RBKS: variants seen among roughly 807,000 people sequenced by gnomAD.
The protein encoded by RBKS is ribokinase.
In RBKS, 33 loss-of-function variants were observed where a neutral mutation model predicts 33.9. That is an observed-to-expected ratio of 0.97 (90% CI 0.74 to 1.30). The LOEUF (loss-of-function observed/expected upper bound fraction) is 1.30, where lower values mean the gene tolerates loss of function less well. Ranked by LOEUF, RBKS falls within the 50% of genes most tolerant of loss-of-function variation. The probability of loss-of-function intolerance (pLI) is 0.00; values close to 1 mark genes in which losing one functional copy is unlikely to be tolerated. For synonymous variants in RBKS, 125 were observed against 143.0 expected (o/e 0.87, Z 0.90); for missense variants, 361 against 392.6 (o/e 0.92, Z 0.68).
At chr2:27,801,462 T>TACACACACACACACAC (rs1491245145) in intron 7 of RBKS, among the ~76,000 whole-genome samples, 1 of 82,994 alleles carries the variant, frequency 1.2e-5, no homozygotes, top group East Asian at 2.5e-4. Flanking sequence ...AGGGCCACAG[T>TACACACACACACACAC]ATACACACAC....
At chr2:27,822,583 C>T (rs777235945) in intron 7 of RBKS, among the ~76,000 whole-genome samples, 20 of 152,194 alleles carry the variant, frequency 1.3e-4, no homozygotes, top group African/African-American at 2.4e-4. Flanking sequence ...AAAGTGCTTC[C>T]GTGCAAACTT....
intron 7 of RBKS, among the ~76,000 whole-genome samples, chr2:27,811,980 C>T (rs1037564228): frequency 2.6e-5 from 4 of 152,154 alleles, no homozygotes; most frequent in African/African-American, 9.7e-5. Context: ...GTAATGTGAT[C>T]CTCTTCCTAA....
chr2:27,885,745 C>T (rs1271214703), intron 1 of RBKS, among the ~76,000 whole-genome samples: 3 of 152,154 alleles, frequency 2.0e-5, no homozygotes. Flanking sequence ...TCTACTGATA[C>T]TGTCTTACTA....
intron 1 of RBKS, among the ~76,000 whole-genome samples, chr2:27,866,728 T>C (rs1664110244): frequency 6.6e-6 from 1 of 152,206 alleles, no homozygotes; most frequent in Non-Finnish European, 1.5e-5. Context: ...GACCTGGAAT[T>C]TGGTTCATCT....
intron 7 of RBKS, among the ~76,000 whole-genome samples, chr2:27,789,935 A>ATATG (rs1558533012): frequency 1.5e-4 from 20 of 134,210 alleles, no homozygotes; most frequent in African/African-American, 3.4e-4. Context: ...GTATATATAT[A>ATATG]TATATGTATA....
At chr2:27,822,647 C>G (rs959861104) in intron 7 of RBKS, among the ~76,000 whole-genome samples, 1 of 152,244 alleles carries the variant, frequency 6.6e-6, no homozygotes, top group Non-Finnish European at 1.5e-5. Context: ...AGAGTTAACT[C>G]TCAAGCTCTG....
At chr2:27,866,887 T>G (rs980683093) in intron 1 of RBKS, among the ~76,000 whole-genome samples, 12 of 152,168 alleles carry the variant, frequency 7.9e-5, no homozygotes, top group Non-Finnish European at 1.8e-4. Flanking sequence ...GAGGATTGTT[T>G]GAGCTCAAGA....
intron 7 of RBKS, among the ~76,000 whole-genome samples, chr2:27,816,722 C>G (rs1678103473): frequency 6.6e-6 from 1 of 152,000 alleles, no homozygotes; most frequent in Non-Finnish European, 1.5e-5. Context: ...CTCAGCCTCC[C>G]GAGTAGCTGG....
chr2:27,832,168 A>G (rs1246372984), intron 6 of RBKS, among the ~76,000 whole-genome samples: 1 of 152,226 alleles, frequency 6.6e-6, no homozygotes, highest in Non-Finnish European at 1.5e-5. Flanking sequence ...CAGGGTCTTC[A>G]CTACAGAATG....
At chr2:27,828,262 T>A (rs1558543296) in intron 6 of RBKS, among the ~76,000 whole-genome samples, 1 of 151,540 alleles carries the variant, frequency 6.6e-6, no homozygotes, top group Non-Finnish European at 1.5e-5. Context: ...ATAATAATTT[T>A]AACAAAGAGT....
At chr2:27,789,089 T>TA (rs952803997) in intron 7 of RBKS, among the ~76,000 whole-genome samples, 15 of 152,256 alleles carry the variant, frequency 9.9e-5, no homozygotes, top group Non-Finnish European at 2.1e-4. Context: ...CTACAGTAAT[T>TA]AGACAGAGAG....
At chr2:27,883,767 C>G (rs1484934857) in intron 1 of RBKS, among the ~76,000 whole-genome samples, 1 of 151,094 alleles carries the variant, frequency 6.6e-6, no homozygotes, top group Non-Finnish European at 1.5e-5. Context: ...CACCCTGTTA[C>G]CTAGGCTGGT....
At chr2:27,803,036 C>A (rs1677831130) in intron 7 of RBKS, among the ~76,000 whole-genome samples, 1 of 152,114 alleles carries the variant, frequency 6.6e-6, no homozygotes, top group Non-Finnish European at 1.5e-5. Flanking sequence ...CTCTTTGTTG[C>A]CCAGGCTGGT....
intron 7 of RBKS, among the ~76,000 whole-genome samples, chr2:27,801,163 C>T (rs931827354): frequency 1.1e-4 from 16 of 152,154 alleles, no homozygotes. Context: ...GCAGGCTGAA[C>T]AGATGGTGCA....
In RBKS at chr2:27,870,895, A is replaced by G. The variant is rs1270046578; in HGVS notation, c.90-12324T>C. ...CATATCCTCATGCACATCCTCCTGA[A>G]AAATACATTACACAAAACAAGCATT... is the stretch of plus-strand genomic sequence containing the variant. On this transcript the variant is annotated intron_variant, in intron 1 of 7. Transcript: ENST00000302188. 3 of 457,624 alleles carry G rather than the reference A, an allele frequency of 6.6e-6. No individual in the cohort carries two copies. In the East Asian group the frequency reaches 2.1e-4, roughly 32 times the overall value. The allele number at this position is 457,624 out of a possible 1,614,324, so 28.3% of individuals were successfully genotyped here. A position where few individuals can be genotyped will look rare whatever the true frequency, so the allele number is the denominator to read the frequency against.
chr2:27,870,513 G>C (rs530025773), intron 1 of RBKS: 2 of 233,732 alleles, frequency 8.6e-6, no homozygotes, highest in Non-Finnish European at 1.8e-5. Flanking sequence ...TGTGAGAGAA[G>C]ACATGTGTGC....
At chr2:27,798,302 G>C (rs1259524004) in intron 7 of RBKS, among the ~76,000 whole-genome samples, 1 of 152,032 alleles carries the variant, frequency 6.6e-6, no homozygotes, top group Non-Finnish European at 1.5e-5. Flanking sequence ...AACCACCCGT[G>C]AGCCTGCTTA....
intron 2 of RBKS, among the ~76,000 whole-genome samples, chr2:27,852,373 C>T (rs1288207093): frequency 6.6e-6 from 1 of 152,068 alleles, no homozygotes; most frequent in East Asian, 1.9e-4. Context: ...CAGCAAGGGT[C>T]ATGGAAAGCA....
chr2:27,796,384 T>C (rs1677666499), intron 7 of RBKS, among the ~76,000 whole-genome samples: 1 of 152,206 alleles, frequency 6.6e-6, no homozygotes, highest in Non-Finnish European at 1.5e-5. Flanking sequence ...GAAAATTATT[T>C]TTGTGCCAAA....
Sources: allele counts gnomAD v4.1 joint callset (sites outside exome capture counted in the v4.1 genomes callset), GRCh38; gene constraint gnomAD v4.1.1; transcripts MANE v1.5; gene names NCBI Gene and HGNC (gene_info 2026-07-23, HGNC 2026-07-21).